The following SGTB variants were observed in gnomAD, a reference collection of about 807,000 sequenced individuals.
The protein encoded by SGTB is small glutamine rich tetratricopeptide repeat co-chaperone beta.
A neutral mutation model predicts 43.9 loss-of-function variants in SGTB; 19 were observed. The observed-to-expected ratio is 0.43, with a 90% CI of 0.30 to 0.63. SGTB has a LOEUF of 0.63. SGTB is among the 30% of genes least tolerant of loss of function. The pLI is 0.12. For synonymous variants in SGTB, 116 were observed against 117.3 expected (o/e 0.99, Z 0.07); for missense variants, 304 against 358.9 (o/e 0.85, Z 1.24).
At chr5:65,699,116 G>C (rs1418297679) in intron 5 of SGTB, among the ~76,000 whole-genome samples, 1 of 152,196 alleles carries the variant, frequency 6.6e-6, no homozygotes, top group African/African-American at 2.4e-5. Flanking sequence ...CAAGTGCAAA[G>C]ATGTAGAACC....
At chr5:65,690,450 T>A (rs553410394) in intron 5 of SGTB, among the ~76,000 whole-genome samples, 48 of 152,070 alleles carry the variant, frequency 3.2e-4, no homozygotes, top group African/African-American at 1.1e-3. Flanking sequence ...CTCACCCCCC[T>A]AAAAAAGGTA....
intron 5 of SGTB, among the ~76,000 whole-genome samples, chr5:65,690,706 G>A (rs2150711322): frequency 6.6e-6 from 1 of 152,226 alleles, no homozygotes; most frequent in East Asian, 1.9e-4. Flanking sequence ...TTAATTTTAT[G>A]TAAAAAACGT....
rs1170638851 is a variant in SGTB, at chr5:65,680,842, T to C, written c.480-48A>G. 6 of 1,568,202 alleles carry C rather than the reference T, an allele frequency of 3.8e-6. No individual in the cohort carries two copies. The East Asian group carries it at 1.3e-4, about 35-fold the overall frequency. On this transcript the variant is annotated intron_variant, in intron 6 of 10. Coordinates refer to ENST00000381007, the MANE Select transcript of SGTB (RefSeq NM_019072.3). ...ATATCAGATATATGATTAAAGAACA[T>C]CAGGACATCACAAACATCGTCAAAC... is the stretch of plus-strand genomic sequence containing the variant.
chr5:65,712,629 T>C (rs893789205), intron 3 of SGTB, among the ~76,000 whole-genome samples: 1 of 152,138 alleles, frequency 6.6e-6, no homozygotes, highest in Non-Finnish European at 1.5e-5. Flanking sequence ...GAAACATCAA[T>C]TCAGATGCTG....
intron 2 of SGTB, among the ~76,000 whole-genome samples, chr5:65,713,566 C>A (rs1356857473): frequency 2.0e-5 from 3 of 152,178 alleles, no homozygotes; most frequent in Non-Finnish European, 4.4e-5. Flanking sequence ...GATCCTCCTA[C>A]CTCGGCCTCC....
chr5:65,679,853 C>T (rs1375299179), intron 8 of SGTB, among the ~76,000 whole-genome samples: 3 of 152,190 alleles, frequency 2.0e-5, no homozygotes, highest in African/African-American at 7.2e-5. Context: ...ACTGTAAATA[C>T]ACATTCGTAC....
chr5:65,715,092 C>T (rs1758124348), intron 2 of SGTB, among the ~76,000 whole-genome samples: 1 of 152,146 alleles, frequency 6.6e-6, no homozygotes, highest in Admixed American at 6.5e-5. Context: ...GTCTCGTTAT[C>T]CTTATTAATC....
At chr5:65,704,611 C>A (rs1198020761) in intron 4 of SGTB, among the ~76,000 whole-genome samples, 1 of 152,060 alleles carries the variant, frequency 6.6e-6, no homozygotes, top group Non-Finnish European at 1.5e-5. Context: ...TGTTTATATA[C>A]CTTATAAAAT....
chr5:65,670,097 A>C lies in SGTB; in HGVS notation c.*149T>G. ...ATTGTCTAAACAGATTTATTCTTTA[A>C]GAATATACACAAGAGGTTTTCCTCC... On this transcript the variant is annotated 3_prime_UTR_variant, in exon 11 of 11. Transcript: ENST00000381007. The C allele has an allele frequency of 1.7e-6, 1 of 600,844 alleles. No individual in the cohort carries two copies. Among genetic ancestry groups the C allele is most frequent in the Non-Finnish European group, 2.9e-6 (1 of 349,868 alleles). 37.2% of individuals were successfully genotyped at this position (600,844 alleles called of 1,614,324 possible).
chr5:65,694,384 A>G (rs1400188522), intron 5 of SGTB, among the ~76,000 whole-genome samples: 1 of 152,122 alleles, frequency 6.6e-6, no homozygotes, highest in Non-Finnish European at 1.5e-5. Context: ...GTGAGCCAAG[A>G]TCGTGCCACT....
intron 5 of SGTB, among the ~76,000 whole-genome samples, chr5:65,699,152 T>C (rs1757765831): frequency 2.6e-5 from 4 of 151,858 alleles, no homozygotes. Flanking sequence ...GGCCAATGAG[T>C]GGATAAAGAA....
intron 2 of SGTB, among the ~76,000 whole-genome samples, chr5:65,720,403 T>C (rs1453439700): frequency 1.3e-5 from 2 of 152,106 alleles, no homozygotes; most frequent in Non-Finnish European, 2.9e-5. Context: ...TTCTCACTTG[T>C]TAAATGGGGA....
rs1417707623 is a variant in SGTB, at chr5:65,666,085, G to C, written c.*4161C>G. 1.3e-5 allele frequency: 2 copies of C among 152,524 alleles called. No homozygotes were observed. The highest frequency in any genetic ancestry group is 4.8e-5 in the African/African-American group (2 of 41,440). 9.4% of individuals were successfully genotyped at this position (152,524 alleles called of 1,614,324 possible). On this transcript the variant is annotated 3_prime_UTR_variant, in exon 11 of 11. Coordinates refer to ENST00000381007, the MANE Select transcript of SGTB (RefSeq NM_019072.3). ...CAGTGTAAAATTGAAGTCTGTCTTT[G>C]TTTCAAAATGATTAAGATTAAATGA...
intron 5 of SGTB, among the ~76,000 whole-genome samples, chr5:65,704,035 C>CAAAAAAAAAAAAAAAAAAAAAAAAAAA (rs11405488): frequency 7.5e-6 from 1 of 133,368 alleles, no homozygotes; most frequent in Non-Finnish European, 1.6e-5. Flanking sequence ...GACTCCGTCT[C>CAAAAAAAAAAAAAAAAAAAAAAAAAAA]AAAAAAAAAA....
At chr5:65,682,747 C>A (rs1757420987) in intron 6 of SGTB, among the ~76,000 whole-genome samples, 1 of 152,022 alleles carries the variant, frequency 6.6e-6, no homozygotes, top group African/African-American at 2.4e-5. Context: ...TATTAAACAT[C>A]CAAACATAGA....
intron 8 of SGTB, among the ~76,000 whole-genome samples, chr5:65,677,650 C>A (rs76027672): frequency 0.035 from 5,314 of 152,148 alleles, 318 homozygotes; most frequent in African/African-American, 0.12. Context: ...ATCACAATCA[C>A]GGAGGCTTCA....
At chr5:65,693,337 G>A (rs1757653220) in intron 5 of SGTB, among the ~76,000 whole-genome samples, 1 of 146,582 alleles carries the variant, frequency 6.8e-6, no homozygotes, top group African/African-American at 2.5e-5. Context: ...AAGAGGAGAA[G>A]GGAGGGAAGG....
intron 10 of SGTB, among the ~76,000 whole-genome samples, chr5:65,671,029 C>T (rs1235780430): frequency 6.6e-6 from 1 of 152,162 alleles, no homozygotes; most frequent in East Asian, 1.9e-4. Context: ...CAAGTAGTTC[C>T]TCTAAGTGTT....
intron 8 of SGTB, 46 bp from the exon 9 acceptor site, chr5:65,672,327 A>T: frequency 6.3e-7 from 1 of 1,583,612 alleles, no homozygotes. Context: ...GTTAATATGT[A>T]GGGATCTTAG....
Sources: gnomAD v4.1 joint callset for allele counts (sites outside exome capture counted in the v4.1 genomes callset) on GRCh38, gnomAD v4.1.1 for gene constraint, MANE v1.5 for transcripts, NCBI Gene and HGNC (gene_info 2026-07-23, HGNC 2026-07-21) for gene names.